Variants in GRM7 observed in about 807,000 individuals in gnomAD.
The protein encoded by GRM7 is glutamate metabotropic receptor 7, also known as metabotropic glutamate receptor 7.
GRM7 carries 35 observed loss-of-function variants against 84.5 expected under a neutral mutation model. The ratio of observed to expected loss-of-function variants is 0.41; its 90% confidence interval spans 0.32 to 0.55. GRM7 has a LOEUF of 0.55. GRM7 is among the 20% of genes least tolerant of loss of function. GRM7 has a pLI of 0.19. For missense variants in GRM7, 1,003 were observed against 1,194.6 expected (o/e 0.84, Z 2.36); for synonymous variants, 487 against 455.1 (o/e 1.07, Z -0.89).
intron 1 of GRM7, among the ~76,000 whole-genome samples, chr3:7,024,648 C>T (rs117510744): frequency 6.6e-6 from 1 of 152,282 alleles, no homozygotes; most frequent in East Asian, 1.9e-4. Flanking sequence ...AAATCGCAGT[C>T]TAGTGTAGCT....
intron 1 of GRM7, among the ~76,000 whole-genome samples, chr3:7,014,711 G>C (rs1695499435): frequency 6.6e-6 from 1 of 152,148 alleles, no homozygotes. Flanking sequence ...CTATATATCT[G>C]TCTCCTTGAT....
chr3:7,513,857 T>A (rs186359474), intron 7 of GRM7, among the ~76,000 whole-genome samples: 1 of 152,382 alleles, frequency 6.6e-6, no homozygotes, highest in African/African-American at 2.4e-5. Flanking sequence ...GAACTTCCAG[T>A]GCAAAGGAAG....
chr3:7,284,735 T>C (rs1699370671), intron 2 of GRM7, among the ~76,000 whole-genome samples: 1 of 152,142 alleles, frequency 6.6e-6, no homozygotes, highest in Non-Finnish European at 1.5e-5. Context: ...CACTTTCCTA[T>C]GTTCATTTAT....
At chr3:7,092,946 G>T (rs1462858367) in intron 1 of GRM7, among the ~76,000 whole-genome samples, 3 of 152,084 alleles carry the variant, frequency 2.0e-5, no homozygotes, top group Non-Finnish European at 4.4e-5. Context: ...AGCCAGGTGT[G>T]GTGGTGTGCA....
intron 1 of GRM7, among the ~76,000 whole-genome samples, chr3:6,924,396 C>G (rs1252394716): frequency 3.3e-5 from 5 of 152,110 alleles, no homozygotes; most frequent in Admixed American, 6.6e-5. Context: ...TTAACTTTGG[C>G]TATAGATGGA....
At chr3:7,142,992 TAAGAA>T (rs1693998521) in intron 1 of GRM7, among the ~76,000 whole-genome samples, 2 of 152,286 alleles carry the variant, frequency 1.3e-5, no homozygotes, top group East Asian at 1.9e-4. Context: ...AAAAAAGGCC[TAAGAA>T]GAGATGGAAT....
chr3:7,549,681 A>G (rs1467784125), intron 7 of GRM7, among the ~76,000 whole-genome samples: 1 of 152,250 alleles, frequency 6.6e-6, no homozygotes, highest in Non-Finnish European at 1.5e-5. Flanking sequence ...TCCAGCAACT[A>G]GCCAGAGTCC....
In GRM7 at chr3:7,231,226, A is replaced by C. The variant is rs533028927; in HGVS notation, c.737-67458A>C. Among the ~76,000 whole-genome samples the C allele has an allele frequency of 2.0e-5, 3 of 152,298 alleles. No individual in the cohort carries two copies. In the East Asian group the frequency reaches 5.8e-4, roughly 29 times the overall value. On this transcript the variant is annotated intron_variant, in intron 2 of 9. Coordinates refer to ENST00000357716, the MANE Select transcript of GRM7 (RefSeq NM_000844.4). The stretch of plus-strand genomic sequence containing the variant: ...TGTGAGATTGTGATTCCTGGACTTC[A>C]ATCAGTTTTCCCGTTGTACATAGAA...
chr3:7,057,353 C>A (rs563715609), intron 1 of GRM7, among the ~76,000 whole-genome samples: 6 of 151,772 alleles, frequency 4.0e-5, no homozygotes, highest in Admixed American at 1.3e-4. Context: ...TTCAACTAAC[C>A]TATTCTAAAT....
chr3:7,452,599 A>C lies in GRM7; in HGVS notation c.1175-8A>C, dbSNP rs1575357233. 6.4e-7 allele frequency: 1 copy of C among 1,562,096 alleles called. No homozygotes were observed. The highest frequency in any genetic ancestry group is 2.2e-5 in the East Asian group (1 of 44,616). ...GTGTGTGTGTGTGTTTCTTGTTTTA[A>C]TGTGCAGGACAGGAGAGAATTGGAA... On this transcript the variant is annotated splice_polypyrimidine_tract_variant and splice_region_variant and intron_variant, in intron 5 of 9. Transcript: ENST00000357716.
intron 2 of GRM7, among the ~76,000 whole-genome samples, chr3:7,162,254 G>C (rs1426725293): frequency 6.6e-6 from 1 of 152,106 alleles, no homozygotes; most frequent in East Asian, 1.9e-4. Context: ...GCTGTGAGAT[G>C]GGAAGCGATT....
intron 1 of GRM7, among the ~76,000 whole-genome samples, chr3:7,086,827 C>CA (rs1305211373): frequency 6.6e-6 from 1 of 152,198 alleles, no homozygotes; most frequent in Non-Finnish European, 1.5e-5. Flanking sequence ...GATCCAGGCT[C>CA]AAAATCTCAG....
chr3:6,994,552 G>A (rs1694765553), intron 1 of GRM7, among the ~76,000 whole-genome samples: 1 of 152,168 alleles, frequency 6.6e-6, no homozygotes, highest in South Asian at 2.1e-4. Flanking sequence ...CAATGCTTAA[G>A]GTAGAAAGCT....
intron 4 of GRM7, among the ~76,000 whole-genome samples, chr3:7,365,647 G>GTATATATATA (rs755999982): frequency 1.8e-4 from 23 of 130,056 alleles, no homozygotes; most frequent in African/African-American, 6.5e-4. Context: ...GTGCGTGTGT[G>GTATATATATA]TATATATATA....
chr3:7,597,852 G>A (rs938070578), intron 8 of GRM7, among the ~76,000 whole-genome samples: 1 of 152,112 alleles, frequency 6.6e-6, no homozygotes, highest in Non-Finnish European at 1.5e-5. Flanking sequence ...CATAGTCCCG[G>A]GTTGACCAAG....
intron 2 of GRM7, among the ~76,000 whole-genome samples, chr3:7,294,266 T>C (rs145432285): frequency 5.3e-5 from 8 of 152,310 alleles, no homozygotes; most frequent in African/African-American, 1.9e-4. Flanking sequence ...TCAGCTGTAA[T>C]TGAATCCTGA....
At chr3:7,506,080 C>G (rs1700031530) in intron 7 of GRM7, among the ~76,000 whole-genome samples, 1 of 152,080 alleles carries the variant, frequency 6.6e-6, no homozygotes, top group South Asian at 2.1e-4. Context: ...ATTAAGCAGC[C>G]TGCATGGTTT....
In GRM7 at chr3:6,979,961, A is replaced by T. The variant is rs139906794; in HGVS notation, c.519+118054A>T. ...GGGTAACATTCTACTTTATAAAGAC[A>T]TATGAATAAAACATATAATTGCTAA... On this transcript the variant is annotated intron_variant, in intron 1 of 9. Coordinates refer to ENST00000357716, the MANE Select transcript of GRM7 (RefSeq NM_000844.4). Among the ~76,000 whole-genome samples, 169 of 152,322 alleles carry T rather than the reference A, an allele frequency of 1.1e-3. 1 individual carries two copies. In the Middle Eastern group the frequency reaches 0.014, roughly 12 times the overall value.
intron 2 of GRM7, among the ~76,000 whole-genome samples, chr3:7,204,542 G>A (rs1250321178): frequency 1.3e-5 from 2 of 152,234 alleles, no homozygotes; most frequent in African/African-American, 4.8e-5. Flanking sequence ...CTGGAGGTTA[G>A]GCTGGTTCTC....
Sources: gnomAD v4.1 joint callset for allele counts (sites outside exome capture counted in the v4.1 genomes callset) on GRCh38, gnomAD v4.1.1 for gene constraint, MANE v1.5 for transcripts, NCBI Gene and HGNC (gene_info 2026-07-23, HGNC 2026-07-21) for gene names.